Variants in CDK8 observed in about 807,000 individuals in gnomAD.
The protein encoded by CDK8 is cyclin-dependent kinase 8.
Under a neutral mutation model 71.5 loss-of-function variants are expected in CDK8, and 29 were observed. The ratio of observed to expected loss-of-function variants is 0.41; its 90% CI spans 0.30 to 0.55. The LOEUF is 0.55. CDK8 is among the 20% of genes least tolerant of loss of function. CDK8 has a pLI of 0.37. For missense variants in CDK8, 288 were observed against 572.6 expected, an observed-to-expected ratio of 0.50 and a Z score of 5.07; for synonymous variants, 161 against 192.1, an observed-to-expected ratio of 0.84 and a Z score of 1.34.
At chr13:26,271,343 A>G (rs1431360975) in intron 1 of CDK8, among the ~76,000 whole-genome samples, 6 of 152,174 alleles carry the variant, frequency 3.9e-5, no homozygotes, top group Admixed American at 2.6e-4. Flanking sequence ...CCTAGATGGT[A>G]TAGCCTACAA....
At chr13:26,376,439 T>A (rs1412868519) in intron 4 of CDK8, among the ~76,000 whole-genome samples, 4 of 152,190 alleles carry the variant, frequency 2.6e-5, no homozygotes, top group Non-Finnish European at 4.4e-5. Context: ...AAAATGCAAT[T>A]AATCAGATTT....
intron 1 of CDK8, among the ~76,000 whole-genome samples, chr13:26,272,470 T>G (rs1410325945): frequency 6.6e-6 from 1 of 152,200 alleles, no homozygotes; most frequent in Non-Finnish European, 1.5e-5. Context: ...GGAGCTGTCA[T>G]CTCCTATGAT....
Position 26,382,817 on chromosome 13 carries a change from C to A in CDK8, c.460C>A (p.Pro154Thr). 2 of 1,591,284 alleles carry A rather than the reference C, an allele frequency of 1.3e-6. No individual in the cohort carries two copies. Among genetic ancestry groups the A allele is most frequent in the Non-Finnish European group, 1.7e-6 (2 of 1,169,736 alleles). ...ANWVLHRDLK[P>T]ANILVMGEGP... ...AAACACTATTTTGTTTCCACAGAAA[C>A]CTGCTAATATTTTAGTTATGGGTGA... is the stretch of plus-strand genomic sequence containing the variant. Residue 154 changes from proline to threonine, a missense_variant, in exon 5 of 13, where the codon CCT (proline) becomes ACT (threonine). Pro to Thr is a conservative substitution (Grantham distance 38, BLOSUM62 -1). This residue lies in a region of CDK8 where 95 missense variants were observed against 177.3 expected (regional missense o/e 0.54). Coordinates refer to ENST00000381527, the MANE Select transcript of CDK8 (RefSeq NM_001260.3).
intron 4 of CDK8, among the ~76,000 whole-genome samples, chr13:26,363,735 G>C (rs1565986782): frequency 6.6e-6 from 1 of 152,016 alleles, no homozygotes; most frequent in Non-Finnish European, 1.5e-5. Context: ...ATTATACTGG[G>C]TAATTTGGAA....
chr13:26,384,599 T>C (rs1223247922), intron 5 of CDK8, among the ~76,000 whole-genome samples: 1 of 152,224 alleles, frequency 6.6e-6, no homozygotes, highest in African/African-American at 2.4e-5. Context: ...GGTATGAGTA[T>C]GTACCTTTGT....
chr13:26,385,220 G>T lies in CDK8; in HGVS notation c.524G>T (p.Gly175Val). Residue 175 changes from glycine to valine, a missense_variant, in exon 6 of 13, where the codon GGC (glycine) becomes GTC (valine). Gly to Val is a moderately radical substitution (Grantham distance 109, BLOSUM62 -3). Transcript: ENST00000381527. The stretch of plus-strand genomic sequence containing the variant: ...TTTTATTATTTTACAGCTGACATGG[G>T]CTTTGCCCGATTATTTAATTCACCT... Reference protein sequence around the residue: ...ERGRVKIADMGFARLFNSPLK... With the variant: ...ERGRVKIADMVFARLFNSPLK... 1 of 1,608,006 alleles carries T rather than the reference G, an allele frequency of 6.2e-7. No individual in the cohort carries two copies. Among genetic ancestry groups the T allele is most frequent in the Non-Finnish European group, 8.5e-7 (1 of 1,177,692 alleles).
intron 7 of CDK8, among the ~76,000 whole-genome samples, chr13:26,395,290 A>G (rs1030779723): frequency 2.0e-5 from 3 of 152,150 alleles, no homozygotes; most frequent in Non-Finnish European, 4.4e-5. Context: ...GTCTCTACCA[A>G]AAATACAAAA....
At chr13:26,397,662 T>C (rs916825080) in intron 9 of CDK8, among the ~76,000 whole-genome samples, 13 of 152,146 alleles carry the variant, frequency 8.5e-5, no homozygotes, top group African/African-American at 3.1e-4. Flanking sequence ...CCTTAAATGT[T>C]AACAGTCATT....
intron 4 of CDK8, among the ~76,000 whole-genome samples, chr13:26,379,450 G>A (rs948094340): frequency 6.6e-6 from 1 of 152,148 alleles, no homozygotes; most frequent in African/African-American, 2.4e-5. Flanking sequence ...TTTAGAACTC[G>A]ACCAGTTCAG....
At chr13:26,358,375 A>C (rs531340966) in intron 4 of CDK8, among the ~76,000 whole-genome samples, 1 of 152,304 alleles carries the variant, frequency 6.6e-6, no homozygotes, top group African/African-American at 2.4e-5. Flanking sequence ...AATGTGAGGT[A>C]AGTTATTTGC....
intron 1 of CDK8, among the ~76,000 whole-genome samples, chr13:26,278,335 TAAAATAATGCTCTTTA>T (rs2137881474): frequency 6.6e-6 from 1 of 152,336 alleles, no homozygotes; most frequent in East Asian, 1.9e-4. Context: ...TTTACATTTT[TAAAATAATGCTCTTTA>T]AAAATGAAAT....
intron 1 of CDK8, among the ~76,000 whole-genome samples, chr13:26,277,178 G>A (rs1178002329): frequency 6.6e-6 from 1 of 152,148 alleles, no homozygotes; most frequent in Non-Finnish European, 1.5e-5. Flanking sequence ...TAATGCTTTA[G>A]TGTACTGAGT....
rs1876454011 is a variant in CDK8, at chr13:26,405,228, A to G, written c.*1147A>G. On this transcript the variant is annotated 3_prime_UTR_variant, in exon 13 of 13. Transcript: ENST00000381527. Reference sequence around the variant, plus strand: ...GTGTTATGTAATAAATTTATTTTTCATAAATCAAAACATGGAGTCAGCTGT... The same window carrying G: ...GTGTTATGTAATAAATTTATTTTTCGTAAATCAAAACATGGAGTCAGCTGT... 5.9e-6 allele frequency: 1 copy of G among 168,692 alleles called. No homozygotes were observed. Among genetic ancestry groups the G allele is most frequent in the Non-Finnish European group, 1.3e-5 (1 of 77,872 alleles). 10.4% of individuals were successfully genotyped at this position (168,692 alleles called of 1,614,324 possible).
intron 1 of CDK8, among the ~76,000 whole-genome samples, chr13:26,321,690 G>A (rs1018125607): frequency 2.6e-5 from 4 of 152,160 alleles, no homozygotes; most frequent in Admixed American, 2.0e-4. Context: ...ACTGTGGGCA[G>A]TCAGTGAGCT....
At chr13:26,363,127 C>G (rs1008783621) in intron 4 of CDK8, among the ~76,000 whole-genome samples, 1 of 149,652 alleles carries the variant, frequency 6.7e-6, no homozygotes, top group Non-Finnish European at 1.5e-5. Context: ...CGAGACCATC[C>G]TGGCTAACAC....
intron 1 of CDK8, among the ~76,000 whole-genome samples, chr13:26,306,838 A>G (rs1409861243): frequency 2.0e-5 from 3 of 152,026 alleles, no homozygotes; most frequent in Non-Finnish European, 4.4e-5. Context: ...CATGTTGGCC[A>G]GGCTGGTCTT....
At chr13:26,318,256 G>A (rs75567615) in intron 1 of CDK8, among the ~76,000 whole-genome samples, 3,472 of 151,930 alleles carry the variant, frequency 0.023, 135 homozygotes, top group African/African-American at 0.08. Flanking sequence ...TAGAAAATCT[G>A]ACTAGACATA....
chr13:26,351,596 T>C (rs186191142), intron 3 of CDK8, among the ~76,000 whole-genome samples: 1 of 152,320 alleles, frequency 6.6e-6, no homozygotes, highest in African/African-American at 2.4e-5. Flanking sequence ...AGCTGCTAGT[T>C]TGTAATATTT....
chr13:26,261,488 C>G (rs1871770936), intron 1 of CDK8, among the ~76,000 whole-genome samples: 1 of 152,162 alleles, frequency 6.6e-6, no homozygotes, highest in South Asian at 2.1e-4. Flanking sequence ...CAGCCGTTGA[C>G]AAGCACTAAT....
Sources: gnomAD v4.1 joint callset for allele counts (sites outside exome capture counted in the v4.1 genomes callset) on GRCh38, gnomAD v4.1.1 for gene constraint, gnomAD v4.1.1 regional missense constraint, MANE v1.5 for transcripts, NCBI Gene and HGNC (gene_info 2026-07-23, HGNC 2026-07-21) for gene names.